The following PCDHGA5 variants were observed in gnomAD, a reference collection of about 807,000 sequenced individuals.
PCDHGA5 encodes the protein protocadherin gamma subfamily A, 5.
A neutral mutation model predicts 56.7 loss-of-function variants in PCDHGA5; 36 were observed. That is an observed-to-expected ratio of 0.64 (90% CI 0.49 to 0.84). The LOEUF (loss-of-function observed/expected upper bound fraction) is 0.84. Ranked by LOEUF, PCDHGA5 falls within the 40% of genes least tolerant of loss-of-function variation. PCDHGA5 has a pLI of 0.00. For synonymous variants in PCDHGA5, 563 were observed against 520.2 expected (o/e 1.08, Z -1.12); for missense variants, 1,305 against 1,201.5 (o/e 1.09, Z -1.27).
At chr5:141,408,714 A>G (rs771519650) in intron 1 of PCDHGA5, 8 of 1,612,346 alleles carry the variant, frequency 5.0e-6, no homozygotes, top group Non-Finnish European at 6.8e-6. Context: ...AAAGATTATA[A>G]GATAAACTCT....
Position 141,364,397 on chromosome 5 carries a change from C to T in PCDHGA5, c.67C>T (p.Leu23=), listed in dbSNP as rs1412341598. The part of the protein sequence containing the change: ...LLLPFMLLGT[L]CEPGSGQIRY... ...GCTGCCCTTCATGCTCCTGGGGACG[C>T]TGTGCGAGCCAGGATCCGGGCAGAT... Residue 23 remains leucine (L), a synonymous_variant, in exon 1 of 4, where the codon CTG becomes TTG. Coordinates refer to ENST00000518069, the MANE Select transcript of PCDHGA5 (RefSeq NM_018918.3). 2 of 1,605,004 alleles carry T rather than the reference C, an allele frequency of 1.2e-6. No homozygotes were observed. The highest frequency in any genetic ancestry group is 3.4e-5 in the Admixed American group (2 of 58,700).
At chr5:141,379,767 A>G (rs1366813038) in intron 1 of PCDHGA5, 3 of 152,120 alleles carry the variant, frequency 2.0e-5, no homozygotes, top group Non-Finnish European at 4.4e-5. Context: ...CCTGCAATAC[A>G]GATCATTAAT....
chr5:141,428,344 G>T (rs970552377), intron 1 of PCDHGA5: 3 of 596,498 alleles, frequency 5.0e-6, no homozygotes, highest in Non-Finnish European at 6.1e-6. Flanking sequence ...CTTCTTCCTC[G>T]CAGTGATTTT....
intron 1 of PCDHGA5, chr5:141,374,135 A>C: frequency 6.2e-7 from 1 of 1,605,796 alleles, no homozygotes; most frequent in Non-Finnish European, 8.5e-7. Flanking sequence ...CCTGCTCCTC[A>C]CGCTCCTGGG....
At chr5:141,454,034 G>A (rs530844564) in intron 1 of PCDHGA5, among the ~76,000 whole-genome samples, 10 of 152,270 alleles carry the variant, frequency 6.6e-5, no homozygotes, top group African/African-American at 2.4e-4. Context: ...GAATTGGCCA[G>A]CAAAGATAAA....
chr5:141,372,410 A>G (rs764498768), intron 1 of PCDHGA5: 2 of 1,613,980 alleles, frequency 1.2e-6, no homozygotes, highest in African/African-American at 2.7e-5. Flanking sequence ...AAGAGATACA[A>G]CCTGACCTTA....
intron 1 of PCDHGA5, chr5:141,370,125 T>C (rs921513468): frequency 5.8e-5 from 23 of 394,142 alleles, no homozygotes; most frequent in Non-Finnish European, 9.4e-5. Context: ...GCTCCTTATT[T>C]GGAGCTGATT....
chr5:141,406,183 C>T (rs1048428263), intron 1 of PCDHGA5, among the ~76,000 whole-genome samples: 5 of 151,756 alleles, frequency 3.3e-5, no homozygotes, highest in Admixed American at 6.6e-5. Flanking sequence ...TGCAATCCTC[C>T]CACCTCAGCC....
chr5:141,389,530 T>C (rs963241883), intron 1 of PCDHGA5: 1 of 1,613,208 alleles, frequency 6.2e-7, no homozygotes, highest in African/African-American at 1.3e-5. Context: ...CTGCGCGTGT[T>C]AGTGGACGAC....
intron 1 of PCDHGA5, chr5:141,421,442 A>G (rs769354611): frequency 1.7e-5 from 27 of 1,613,990 alleles, no homozygotes; most frequent in Non-Finnish European, 2.2e-5. Context: ...TCCAGAGGGA[A>G]GACACAGCTT....
intron 1 of PCDHGA5, among the ~76,000 whole-genome samples, chr5:141,460,995 A>G (rs566978077): frequency 1.1e-4 from 17 of 150,188 alleles, no homozygotes; most frequent in South Asian, 2.1e-4. Flanking sequence ...ATATATATAT[A>G]TGTGTATATA....
intron 1 of PCDHGA5, chr5:141,376,679 T>A (rs1008866087): frequency 1.9e-6 from 1 of 528,242 alleles, no homozygotes; most frequent in Non-Finnish European, 2.9e-6. Context: ...GGGTATCGTT[T>A]TTTTTTTTTT....
intron 1 of PCDHGA5, chr5:141,423,907 G>C: frequency 7.9e-7 from 1 of 1,271,360 alleles, no homozygotes. Context: ...TTTCAAAGGG[G>C]CCATTCAACT....
At chr5:141,414,520 A>G in intron 1 of PCDHGA5, 1 of 1,613,990 alleles carries the variant, frequency 6.2e-7, no homozygotes, top group Non-Finnish European at 8.5e-7. Flanking sequence ...AGTGGCAGAT[A>G]TCAATGACAA....
At chr5:141,375,200 G>A (rs755732164) in intron 1 of PCDHGA5, 3 of 1,613,940 alleles carry the variant, frequency 1.9e-6, no homozygotes, top group South Asian at 1.1e-5. Context: ...TCAAGTGTTC[G>A]ATCGAGACTC....
chr5:141,484,375 G>C (rs188702244), intron 1 of PCDHGA5, among the ~76,000 whole-genome samples: 2 of 152,258 alleles, frequency 1.3e-5, no homozygotes, highest in African/African-American at 4.8e-5. Flanking sequence ...ACTAGCAAAT[G>C]TCTGAATAAG....
chr5:141,403,210 C>T lies in PCDHGA5; in HGVS notation c.2421+36459C>T, dbSNP rs369033480. 123 of 1,613,946 alleles carry T rather than the reference C, an allele frequency of 7.6e-5. No homozygotes were observed. In the Middle Eastern group the frequency reaches 1.2e-3, roughly 15 times the overall value. On this transcript the variant is annotated intron_variant, in intron 1 of 3. Coordinates refer to ENST00000518069, the MANE Select transcript of PCDHGA5 (RefSeq NM_018918.3). Reference sequence around the variant, plus strand: ...ACCCGCGCAGCGGCACCTTGGTCACCGCGGGTAGGATAGACCGGGAGGAGC... The same window carrying T: ...ACCCGCGCAGCGGCACCTTGGTCACTGCGGGTAGGATAGACCGGGAGGAGC...
At chr5:141,455,389 G>C (rs1190144149) in intron 1 of PCDHGA5, among the ~76,000 whole-genome samples, 1 of 152,114 alleles carries the variant, frequency 6.6e-6, no homozygotes, top group Non-Finnish European at 1.5e-5. Flanking sequence ...GAAGGAAGGA[G>C]CTCCCCCTTA....
At chr5:141,366,907 A>G (rs2149901228) in intron 1 of PCDHGA5, 156 bp downstream of exon 1, 2 of 1,144,648 alleles carry the variant, frequency 1.7e-6, no homozygotes, top group South Asian at 3.3e-5. Context: ...TGCTTTCTCC[A>G]TTTGTTTTCA....
Sources: allele counts gnomAD v4.1 joint callset (sites outside exome capture counted in the v4.1 genomes callset), GRCh38; gene constraint gnomAD v4.1.1; transcripts MANE v1.5; gene names NCBI Gene and HGNC (gene_info 2026-07-23, HGNC 2026-07-21).